CRYBG3: variants seen among roughly 807,000 people sequenced by gnomAD.
CRYBG3 encodes the protein crystallin beta-gamma domain containing 3, also known as very large A-kinase anchor protein.
In CRYBG3, 127 loss-of-function variants were observed where a neutral mutation model predicts 244.2. That is an observed-to-expected ratio of 0.52 (90% confidence interval 0.45 to 0.60). The LOEUF (loss-of-function observed/expected upper bound fraction) is 0.60. CRYBG3 is among the 20% of genes least tolerant of loss of function. The probability of loss-of-function intolerance (pLI) is 0.00; values close to 1 mark genes in which losing one functional copy is unlikely to be tolerated. For missense variants in CRYBG3, 3,325 were observed against 3,442.5 expected, an observed-to-expected ratio of 0.97 and a Z score of 0.85; for synonymous variants, 1,132 against 1,195.8, an observed-to-expected ratio of 0.95 and a Z score of 1.10.
chr3:97,872,662 C>T lies in CRYBG3; in HGVS notation c.1468C>T (p.His490Tyr). The stretch of plus-strand genomic sequence containing the variant: ...TAGCTCATCAAAGCAAGCTGCCACT[C>T]ACACCAATATCATTGCTCTTCAGAG... ...IDSSSKQAAT[H>Y]TNIIALQRHA... is the part of the protein sequence containing the mutation. Residue 490 changes from histidine to tyrosine, a missense_variant, in exon 4 of 22, where the codon CAC becomes TAC. Physicochemically the swap from His to Tyr is moderately conservative, Grantham distance 83. Coordinates refer to ENST00000389622, the MANE Select transcript of CRYBG3 (RefSeq NM_153605.4). The T allele has an allele frequency of 6.5e-7, 1 of 1,535,860 alleles. No individual in the cohort carries two copies. Among genetic ancestry groups the T allele is most frequent in the East Asian group, 2.4e-5 (1 of 40,910 alleles).
In CRYBG3 at chr3:97,876,164, A is replaced by C. The variant is rs550020176; in HGVS notation, c.4970A>C (p.Lys1657Thr). 2 of 1,232,026 alleles carry C rather than the reference A, an allele frequency of 1.6e-6. No homozygotes were observed. The highest frequency in any genetic ancestry group is 8.4e-5 in the Admixed American group (2 of 23,708). The allele number at this position is 1,232,026 out of a possible 1,614,324, so 76.3% of individuals were successfully genotyped here. A position where few individuals can be genotyped will look rare whatever the true frequency, so the allele number is the denominator to read the frequency against. ...HQKDAEGDIV[K>T]TEMTPVTVDM... ...AAGGATGCTGAAGGGGATATTGTAA[A>C]GACTGAGATGACACCTGTTACAGTA... is the stretch of plus-strand genomic sequence containing the variant. Residue 1657 changes from lysine to threonine, a missense_variant, in exon 4 of 22, where the codon AAG (lysine) becomes ACG (threonine). By Grantham distance (78) the Lys-to-Thr change is moderately conservative. Around this residue, in one of 4 missense-constraint regions of CRYBG3, gnomAD observed 635 missense variants for 771.7 expected, o/e 0.82. Coordinates refer to ENST00000389622, the MANE Select transcript of CRYBG3 (RefSeq NM_153605.4).
In CRYBG3 at chr3:97,873,683, C is replaced by A. The variant is rs755335972; in HGVS notation, c.2489C>A (p.Ser830Tyr). 1 of 1,535,666 alleles carries A rather than the reference C, an allele frequency of 6.5e-7. No individual in the cohort carries two copies. The highest frequency in any genetic ancestry group is 1.4e-5 in the African/African-American group (1 of 73,032). ...AACAATGTTCTTGTGGAGTCACATT[C>A]TGGAAGAGGAAAAACTATATCCTTG... ...GQNNVLVESH[S>Y]GRGKTISLSK... is the part of the protein sequence containing the mutation. The change falls in exon 4 of 22, where the codon TCT becomes TAT. Residue 830 changes from serine to tyrosine, a missense_variant. Physicochemically the swap from Ser to Tyr is moderately radical, Grantham distance 144. This residue lies in a region of CRYBG3 where 1,526 missense variants were observed against 1,443.2 expected (regional missense o/e 1.06). Transcript: ENST00000389622.
chr3:97,866,587 C>T (rs888035958), intron 3 of CRYBG3, among the ~76,000 whole-genome samples: 4 of 152,046 alleles, frequency 2.6e-5, no homozygotes, highest in African/African-American at 4.8e-5. Flanking sequence ...TTTGCTTGCT[C>T]GCATTTGACA....
chr3:97,863,946 C>G (rs1042686039), intron 2 of CRYBG3, among the ~76,000 whole-genome samples: 5 of 152,130 alleles, frequency 3.3e-5, no homozygotes, highest in Non-Finnish European at 7.4e-5. Context: ...CTTCTGTGCT[C>G]TCACTTCTAC....
chr3:97,936,932 T>C (rs1162841907), intron 19 of CRYBG3, 24 bp downstream of exon 19: 1 of 1,602,460 alleles, frequency 6.2e-7, no homozygotes, highest in Non-Finnish European at 8.5e-7. Flanking sequence ...AACCATAAGA[T>C]TCCAAATAGC....
At chr3:97,837,692 T>G (rs1020659914) in intron 1 of CRYBG3, among the ~76,000 whole-genome samples, 2 of 152,090 alleles carry the variant, frequency 1.3e-5, no homozygotes, top group Non-Finnish European at 2.9e-5. Flanking sequence ...GGGAATACTT[T>G]ATGTTAAGTG....
At chr3:97,907,277 G>T (rs2039788024) in intron 15 of CRYBG3, among the ~76,000 whole-genome samples, 1 of 152,194 alleles carries the variant, frequency 6.6e-6, no homozygotes, top group Non-Finnish European at 1.5e-5. Context: ...AGTTAGGGAG[G>T]ATTCCCTCTT....
intron 4 of CRYBG3, among the ~76,000 whole-genome samples, chr3:97,878,524 T>G (rs1427415602): frequency 1.3e-5 from 2 of 152,214 alleles, no homozygotes; most frequent in Non-Finnish European, 2.9e-5. Flanking sequence ...GTATTTTAGC[T>G]GGACTACTTA....
At chr3:97,890,348 C>T (rs1044519946) in intron 10 of CRYBG3, among the ~76,000 whole-genome samples, 2 of 152,146 alleles carry the variant, frequency 1.3e-5, no homozygotes, top group African/African-American at 4.8e-5. Flanking sequence ...GTACAATTAG[C>T]TGTGAAGCTG....
intron 1 of CRYBG3, among the ~76,000 whole-genome samples, chr3:97,837,325 G>C (rs2038748535): frequency 6.6e-6 from 1 of 152,120 alleles, no homozygotes; most frequent in South Asian, 2.1e-4. Context: ...TGGTGAGGAG[G>C]AACATGCCAG....
intron 10 of CRYBG3, among the ~76,000 whole-genome samples, chr3:97,892,439 T>C (rs1008378500): frequency 2.6e-5 from 4 of 152,170 alleles, no homozygotes; most frequent in African/African-American, 7.2e-5. Context: ...GTTACCTATA[T>C]GTAAACTGCT....
intron 2 of CRYBG3, among the ~76,000 whole-genome samples, chr3:97,860,412 A>G (rs1486496719): frequency 6.6e-6 from 1 of 152,192 alleles, no homozygotes; most frequent in Non-Finnish European, 1.5e-5. Context: ...AAAATAAAAC[A>G]GAAAGCGGTT....
At chr3:97,826,832 A>G (rs2038583884) in intron 1 of CRYBG3, among the ~76,000 whole-genome samples, 2 of 152,242 alleles carry the variant, frequency 1.3e-5, no homozygotes, top group Admixed American at 6.5e-5. Flanking sequence ...TCTGTTCTTA[A>G]TATGAACTCA....
rs1359358870 is a variant in CRYBG3, at chr3:97,872,962, T to A, written c.1768T>A (p.Ser590Thr). The A allele has an allele frequency of 6.5e-7, 1 of 1,534,266 alleles. No homozygotes were observed. The highest frequency in any genetic ancestry group is 8.7e-7 in the Non-Finnish European group (1 of 1,146,522). Residue 590 changes from serine (S) to threonine (T), a missense_variant, in exon 4 of 22, where the codon TCT (serine) becomes ACT (threonine). By Grantham distance (58) the Ser-to-Thr change is moderately conservative. Around this residue, in one of 4 missense-constraint regions of CRYBG3, gnomAD observed 1,526 missense variants for 1,443.2 expected, o/e 1.06. Transcript: ENST00000389622. ...TAGAATGAATAAAAAAGACCTGGCC[T>A]CTTTAAATTACATCAGTGAATCAGC... The part of the protein sequence containing the change: ...HIRMNKKDLA[S>T]LNYISESAVV...
rs1482558851 is a variant in CRYBG3 at position 97,880,059 on chromosome 3, G to C, written c.6963G>C (p.Trp2321Cys). 6.3e-7 allele frequency: 1 copy of C among 1,599,670 alleles called. No individual in the cohort carries two copies. The highest frequency in any genetic ancestry group is 1.3e-5 in the African/African-American group (1 of 74,548). Reference sequence around the variant, plus strand: ...GTAATATTCCTGATGCTACATCATGGTCTTTTCCAAATGGAGTTCTAATAA... The same window carrying C: ...GTAATATTCCTGATGCTACATCATGCTCTTTTCCAAATGGAGTTCTAATAA... ...VYCNIPDATS[W>C]SFPNGVLIKV... Residue 2321 changes from tryptophan (W) to cysteine (C), a missense_variant, in exon 6 of 22, where the codon TGG becomes TGC. By Grantham distance (215) the Trp-to-Cys change is radical. Coordinates refer to ENST00000389622, the MANE Select transcript of CRYBG3 (RefSeq NM_153605.4).
rs2039321622 is a variant in CRYBG3, at chr3:97,872,818, T to C, written c.1624T>C (p.Ser542Pro). 6.5e-7 allele frequency: 1 copy of C among 1,535,924 alleles called. No individual in the cohort carries two copies. Among genetic ancestry groups the C allele is most frequent in the Middle Eastern group, 1.7e-4 (1 of 5,988 alleles). Residue 542 changes from serine to proline, a missense_variant, in exon 4 of 22, where the codon TCA (serine) becomes CCA (proline). Physicochemically the swap from Ser to Pro is moderately conservative, Grantham distance 74. Around this residue, in one of 4 missense-constraint regions of CRYBG3, gnomAD observed 1,526 missense variants for 1,443.2 expected, o/e 1.06. Coordinates refer to ENST00000389622, the MANE Select transcript of CRYBG3 (RefSeq NM_153605.4). The stretch of plus-strand genomic sequence containing the variant: ...TGCCTCAGCTGGTGAATCCATAGCT[T>C]CAAGTCATGTAAAAGCTCCAGAAGA... ...ESASAGESIA[S>P]SHVKAPEDKI... is the part of the protein sequence containing the mutation.
chr3:97,861,751 C>G (rs1314700065), intron 2 of CRYBG3, among the ~76,000 whole-genome samples: 1 of 151,998 alleles, frequency 6.6e-6, no homozygotes, highest in African/African-American at 2.4e-5. Flanking sequence ...ATATAGGGCC[C>G]GCATAATGAG....
chr3:97,924,676 C>G (rs974323054), intron 17 of CRYBG3, among the ~76,000 whole-genome samples: 1 of 152,204 alleles, frequency 6.6e-6, no homozygotes, highest in South Asian at 2.1e-4. Flanking sequence ...GTGCATCACT[C>G]TAGTCTCTGC....
intron 7 of CRYBG3, among the ~76,000 whole-genome samples, chr3:97,884,363 A>T (rs1027355800): frequency 2.0e-5 from 3 of 152,120 alleles, no homozygotes; most frequent in South Asian, 4.2e-4. Flanking sequence ...GGTTTTTTTT[A>T]AAAGATATGA....
Sources: gnomAD v4.1 joint callset for allele counts (sites outside exome capture counted in the v4.1 genomes callset) on GRCh38, gnomAD v4.1.1 for gene constraint, gnomAD v4.1.1 regional missense constraint, MANE v1.5 for transcripts, NCBI Gene and HGNC (gene_info 2026-07-23, HGNC 2026-07-21) for gene names.